Variants in ESRP1 observed in about 807,000 individuals in gnomAD.
ESRP1 encodes epithelial splicing regulatory protein 1.
ESRP1 carries 33 observed loss-of-function variants against 81.7 expected under a neutral mutation model. The ratio of observed to expected loss-of-function variants is 0.40; its 90% CI spans 0.31 to 0.54. The LOEUF is 0.54. Ranked by LOEUF, ESRP1 falls within the 20% of genes least tolerant of loss-of-function variation. The pLI is 0.41. For missense variants in ESRP1, 672 were observed against 833.1 expected (o/e 0.81, Z 2.38); for synonymous variants, 320 against 303.3 (o/e 1.06, Z -0.57).
At position 94,706,786 on chromosome 8, in the gene ESRP1, A is replaced by G. The variant is rs1271029163; in HGVS notation, c.*897A>G. 2.0e-5 allele frequency: 3 copies of G among 152,290 alleles called. No individual in the cohort carries two copies. The highest frequency in any genetic ancestry group is 7.2e-5 in the African/African-American group (3 of 41,468). 9.4% of individuals were successfully genotyped at this position (152,290 alleles called of 1,614,324 possible). A position where few individuals can be genotyped will look rare whatever the true frequency, so the allele number is the denominator to read the frequency against. On this transcript the variant is annotated 3_prime_UTR_variant, in exon 16 of 16. Transcript: ENST00000433389. ...ATCCCAGAAGTGAGACAATTTGAAC[A>G]GTGTATTCTAGAAAACAATACACTA...
chr8:94,676,315 A>G (rs1474820654), intron 12 of ESRP1, among the ~76,000 whole-genome samples: 1 of 148,370 alleles, frequency 6.7e-6, no homozygotes, highest in East Asian at 2.0e-4. Context: ...TTGCGCCACT[A>G]TACTTCAGCC....
chr8:94,691,496 G>A (rs957109668), intron 13 of ESRP1, among the ~76,000 whole-genome samples: 1 of 152,180 alleles, frequency 6.6e-6, no homozygotes. Context: ...GATATGTTAA[G>A]TCACTGAAGC....
chr8:94,700,518 G>A (rs1045319611), intron 15 of ESRP1, among the ~76,000 whole-genome samples: 4 of 152,222 alleles, frequency 2.6e-5, no homozygotes, highest in South Asian at 2.1e-4. Flanking sequence ...ATGCACAGCC[G>A]CACTGACACA....
intron 1 of ESRP1, 179 bp downstream of exon 1, chr8:94,641,629 G>T (rs1817594690): frequency 1.1e-6 from 1 of 898,484 alleles, no homozygotes; most frequent in Non-Finnish European, 1.7e-6. Context: ...AACTGCCTTG[G>T]AGCCATTTCA....
chr8:94,682,904 TTA>T (rs1170938965), intron 13 of ESRP1, among the ~76,000 whole-genome samples: 2,245 of 29,824 alleles, frequency 0.075, 203 homozygotes, highest in Non-Finnish European at 0.099. Context: ...ATTCATTATT[TTA>T]TATATATATA....
rs202043210 is a variant in ESRP1 at position 94,678,209 on chromosome 8, C to T, written c.1658C>T (p.Ser553Phe). 1.2e-6 allele frequency: 2 copies of T among 1,613,842 alleles called. No homozygotes were observed. Among genetic ancestry groups the T allele is most frequent in the African/African-American group, 1.3e-5 (1 of 75,034 alleles). ...SPPPCKLPCL[S>F]PPSYTFPAPA... ...TCTCTCTTTGCATATCTAGGCCTGT[C>T]TCCTCCCTCCTACACATTTCCAGCT... The change falls in exon 13 of 16, where the codon TCT (serine) becomes TTT (phenylalanine). Residue 553 changes from serine to phenylalanine, a missense_variant. Ser to Phe is a radical substitution (Grantham distance 155, BLOSUM62 -2). Transcript: ENST00000433389.
chr8:94,668,813 GA>G (rs1819159790), intron 10 of ESRP1, among the ~76,000 whole-genome samples: 2 of 151,348 alleles, frequency 1.3e-5, no homozygotes, highest in African/African-American at 4.9e-5. Flanking sequence ...GTGTGTTTGA[GA>G]TGGGGTCTTG....
At chr8:94,650,735 C>T (rs973690069) in intron 4 of ESRP1, among the ~76,000 whole-genome samples, 12 of 151,442 alleles carry the variant, frequency 7.9e-5, no homozygotes, top group African/African-American at 1.9e-4. Context: ...TTTTTTGAGA[C>T]GGAGTCTTGC....
At position 94,641,234 on chromosome 8, in the gene ESRP1, G is replaced by A; in HGVS notation, c.-85G>A. 1.5e-6 allele frequency: 2 copies of A among 1,317,350 alleles called. No homozygotes were observed. Among genetic ancestry groups the A allele is most frequent in the Non-Finnish European group, 1.0e-6 (1 of 960,204 alleles). 81.6% of individuals were successfully genotyped at this position (1,317,350 alleles called of 1,614,324 possible). On this transcript the variant is annotated 5_prime_UTR_variant, in exon 1 of 16. Coordinates refer to ENST00000433389, the MANE Select transcript of ESRP1 (RefSeq NM_017697.4). Reference sequence around the variant, plus strand: ...CGCTCTTTCTTTTTCTCTTAGAAGAGGGTTTAGCACAGGTTTTTTCGTTCT... The same window carrying A: ...CGCTCTTTCTTTTTCTCTTAGAAGAAGGTTTAGCACAGGTTTTTTCGTTCT...
intron 1 of ESRP1, 38 bp from the exon 2 acceptor site, chr8:94,641,918 A>G: frequency 6.2e-7 from 1 of 1,607,186 alleles, no homozygotes; most frequent in Non-Finnish European, 8.5e-7. Flanking sequence ...AGGCTCCGAA[A>G]TTGGGGGAAA....
intron 15 of ESRP1, among the ~76,000 whole-genome samples, chr8:94,701,479 CA>C (rs1326953727): frequency 1.3e-5 from 2 of 152,284 alleles, no homozygotes; most frequent in East Asian, 3.9e-4. Flanking sequence ...AAGATGCCCA[CA>C]AGCCTTTCTG....
In ESRP1 at chr8:94,681,981, G is replaced by A. The variant is rs146670281; in HGVS notation, c.1820+3610G>A. Among the ~76,000 whole-genome samples the A allele has an allele frequency of 6.5e-4, 99 of 152,318 alleles. No individual in the cohort carries two copies. In the East Asian group the frequency reaches 0.018, roughly 28 times the overall value. On this transcript the variant is annotated intron_variant, in intron 13 of 15. Coordinates refer to ENST00000433389, the MANE Select transcript of ESRP1 (RefSeq NM_017697.4). Reference sequence around the variant, plus strand: ...TGTCACAACAGCATCTGGAAGAGCAGGTGAAATGAAAGCATGTATGCCTCA... The same window carrying A: ...TGTCACAACAGCATCTGGAAGAGCAAGTGAAATGAAAGCATGTATGCCTCA...
At chr8:94,683,494 C>T (rs74378507) in intron 13 of ESRP1, among the ~76,000 whole-genome samples, 2,250 of 152,228 alleles carry the variant, frequency 0.015, 59 homozygotes, top group African/African-American at 0.051. Flanking sequence ...TACACTTCGC[C>T]TAGTTTATCC....
chr8:94,689,921 A>G (rs1303357722), intron 13 of ESRP1, among the ~76,000 whole-genome samples: 1 of 147,138 alleles, frequency 6.8e-6, no homozygotes, highest in African/African-American at 2.5e-5. Flanking sequence ...GGTTCATGCC[A>G]TTCTCCTGCC....
chr8:94,689,811 C>CTTTTTTGTTTTTTTTTTTTTTT (rs1809304650), intron 13 of ESRP1, among the ~76,000 whole-genome samples: 1 of 64,680 alleles, frequency 1.5e-5, no homozygotes, highest in Non-Finnish European at 3.0e-5. Context: ...TGATGCCTGG[C>CTTTTTTGTTTTTTTTTTTTTTT]TTTTTTTTTT....
chr8:94,701,207 G>A (rs1809821992), intron 15 of ESRP1, among the ~76,000 whole-genome samples: 1 of 148,938 alleles, frequency 6.7e-6, no homozygotes, highest in Non-Finnish European at 1.5e-5. Context: ...CCTGGGAGGT[G>A]GAGGTTGCAG....
At chr8:94,648,434 T>A (rs971604755) in intron 4 of ESRP1, among the ~76,000 whole-genome samples, 5 of 152,262 alleles carry the variant, frequency 3.3e-5, no homozygotes, top group African/African-American at 1.2e-4. Context: ...TATTTCCCTG[T>A]CTAGGCTACC....
chr8:94,652,784 C>G (rs1328840294), intron 4 of ESRP1, among the ~76,000 whole-genome samples: 1 of 152,148 alleles, frequency 6.6e-6, no homozygotes, highest in Non-Finnish European at 1.5e-5. Context: ...AAAAAACTAT[C>G]AATTGACTTC....
At chr8:94,678,075 A>C in intron 12 of ESRP1, 128 bp from the exon 13 acceptor site, 2 of 945,982 alleles carry the variant, frequency 2.1e-6, no homozygotes, top group South Asian at 3.5e-5. Flanking sequence ...ATTGCTTGGG[A>C]TAGGATAAAG....
Sources: gnomAD v4.1 joint callset for allele counts (sites outside exome capture counted in the v4.1 genomes callset) on GRCh38, gnomAD v4.1.1 for gene constraint, MANE v1.5 for transcripts, NCBI Gene and HGNC (gene_info 2026-07-23, HGNC 2026-07-21) for gene names.